PXDC1: variants seen among roughly 807,000 people sequenced by gnomAD.
PXDC1 encodes PX domain-containing protein 1.
In PXDC1, 13 loss-of-function variants were observed where a neutral mutation model predicts 24.4. The observed-to-expected ratio is 0.53, with a 90% CI of 0.35 to 0.85. The LOEUF is 0.85. PXDC1 is among the 40% of genes least tolerant of loss of function. The pLI, the probability that PXDC1 is intolerant of heterozygous loss-of-function variation, is 0.01. For synonymous variants in PXDC1, 162 were observed against 124.9 expected (o/e 1.30, Z -1.98); for missense variants, 344 against 309.3 (o/e 1.11, Z -0.84).
rs1270159654 is a variant in PXDC1 at position 3,725,491 on chromosome 6, G to GC, written c.579-1756dup. On this transcript the variant is annotated intron_variant, in intron 4 of 4. Coordinates refer to ENST00000380283, the MANE Select transcript of PXDC1 (RefSeq NM_183373.4). This position sits in a 1 kb window ranked among gnomAD's most constrained non-coding sequence, Gnocchi z 4.8. ...TCCCTGAGTGCAGGTGGGTCTCTGG[G>GC]CCCTGGCACTGGTGCCCACTTGCCC... 1.3e-5 allele frequency among the ~76,000 whole-genome samples: 2 copies of GC among 152,206 alleles called. No individual in the cohort carries two copies. Among genetic ancestry groups the GC allele is most frequent in the Non-Finnish European group, 2.9e-5 (2 of 68,028 alleles).
chr6:3,731,986 T>G (rs1760210394), intron 3 of PXDC1, among the ~76,000 whole-genome samples: 3 of 152,244 alleles, frequency 2.0e-5, no homozygotes, highest in African/African-American at 7.2e-5. Flanking sequence ...ACAGCGAAGT[T>G]ACCACCTTTC....
rs976307311 is a variant in PXDC1, at chr6:3,722,887, G to T, written c.*732C>A. The T allele has an allele frequency of 1.4e-5, 2 of 144,566 alleles. No homozygotes were observed. The highest frequency in any genetic ancestry group is 5.0e-5 in the African/African-American group (2 of 40,244). 9.0% of individuals were successfully genotyped at this position (144,566 alleles called of 1,614,324 possible). ...CCGCAGCACCAGGACCCGCGCTGAA[G>T]GCCCAGAGACCTGGCAGGCCGGGAA... is the stretch of plus-strand genomic sequence containing the variant. On this transcript the variant is annotated 3_prime_UTR_variant, in exon 5 of 5. Transcript: ENST00000380283.
chr6:3,726,322 C>T (rs1450693282), intron 4 of PXDC1, among the ~76,000 whole-genome samples: 2 of 152,326 alleles, frequency 1.3e-5, no homozygotes, highest in South Asian at 4.1e-4. Context: ...CATGGGGGAC[C>T]CATAGGTAAT....
chr6:3,737,223 A>G lies in PXDC1; in HGVS notation c.349-27T>C. The G allele has an allele frequency of 6.7e-7, 1 of 1,498,848 alleles. No homozygotes were observed. Among genetic ancestry groups the G allele is most frequent in the Non-Finnish European group, 9.3e-7 (1 of 1,074,890 alleles). 92.8% of individuals were successfully genotyped at this position (1,498,848 alleles called of 1,614,324 possible). ...TGGGGAGAAATGCAGGGATTACTAA[A>G]AACGATCAGCCTCTACACGTTGGCC... On this transcript the variant is annotated intron_variant, in intron 2 of 4. Coordinates refer to ENST00000380283, the MANE Select transcript of PXDC1 (RefSeq NM_183373.4). This position sits in a 1 kb window ranked among gnomAD's most constrained non-coding sequence, Gnocchi z 5.5.
Position 3,737,003 on chromosome 6 carries a change from C to G in PXDC1, c.466+76G>C, listed in dbSNP as rs1426871474. The G allele has an allele frequency of 4.6e-6, 4 of 876,288 alleles. No homozygotes were observed. The African/African-American group carries it at 6.6e-5, about 14-fold the overall frequency. 54.3% of individuals were successfully genotyped at this position (876,288 alleles called of 1,614,324 possible). ...AAGTGTGGCCCAGCCTCAGAGACAG[C>G]CAACTGTGAGGGTTTCTGTGACATC... On this transcript the variant is annotated intron_variant, in intron 3 of 4. Transcript: ENST00000380283. The surrounding 1 kb of genome is among the most constrained non-coding windows in gnomAD (Gnocchi z 5.5).
At chr6:3,742,792 C>T (rs375385265) in intron 1 of PXDC1, among the ~76,000 whole-genome samples, 24 of 152,194 alleles carry the variant, frequency 1.6e-4, no homozygotes, top group African/African-American at 5.5e-4. Flanking sequence ...ATTGGTAACA[C>T]AATTGTACAT....
chr6:3,724,960 AG>A lies in PXDC1; in HGVS notation c.579-1225del, dbSNP rs1359770100. 6.6e-6 allele frequency among the ~76,000 whole-genome samples: 1 copy of A among 152,106 alleles called. No individual in the cohort carries two copies. Among genetic ancestry groups the A allele is most frequent in the Non-Finnish European group, 1.5e-5 (1 of 68,008 alleles). On this transcript the variant is annotated intron_variant, in intron 4 of 4. Coordinates refer to ENST00000380283, the MANE Select transcript of PXDC1 (RefSeq NM_183373.4). The surrounding 1 kb of genome is among the most constrained non-coding windows in gnomAD (Gnocchi z 4.5). The stretch of plus-strand genomic sequence containing the variant: ...ATGGCCAGGCCTGGAGTGTGGTGTC[AG>A]CCCCCGCCTCGGCTTCCCTATGCTC...
chr6:3,739,791 A>G (rs1367740023), intron 1 of PXDC1, among the ~76,000 whole-genome samples: 1 of 152,226 alleles, frequency 6.6e-6, no homozygotes, highest in Non-Finnish European at 1.5e-5. Context: ...AAATATTTAT[A>G]TACCGCAATT....
At chr6:3,731,643 C>T (rs1031927847) in intron 3 of PXDC1, among the ~76,000 whole-genome samples, 2 of 152,312 alleles carry the variant, frequency 1.3e-5, no homozygotes, top group East Asian at 1.9e-4. Context: ...TCCTCTTTTC[C>T]GTGGGGGCCC....
chr6:3,732,969 A>T (rs893292353), intron 3 of PXDC1, among the ~76,000 whole-genome samples: 17 of 152,136 alleles, frequency 1.1e-4, no homozygotes, highest in African/African-American at 4.1e-4. Flanking sequence ...TGCACGAAGG[A>T]CCCTGCAGGG....
chr6:3,736,974 G>C lies in PXDC1; in HGVS notation c.466+105C>G, dbSNP rs1052579972. On this transcript the variant is annotated intron_variant, in intron 3 of 4. Transcript: ENST00000380283. ...TCGCATTTCTCTCGATTGTCTTTCTGGAAAAGTGTGGCCCAGCCTCAGAGA... is the reference window on the plus strand; with the variant it reads ...TCGCATTTCTCTCGATTGTCTTTCTCGAAAAGTGTGGCCCAGCCTCAGAGA... The C allele has an allele frequency of 1.5e-5, 11 of 737,018 alleles. No homozygotes were observed. The Admixed American group carries it at 1.8e-4, about 12-fold the overall frequency. 45.7% of individuals were successfully genotyped at this position (737,018 alleles called of 1,614,324 possible).
At chr6:3,743,044 C>T (rs1483382471) in intron 1 of PXDC1, among the ~76,000 whole-genome samples, 1 of 152,192 alleles carries the variant, frequency 6.6e-6, no homozygotes, top group South Asian at 2.1e-4. Flanking sequence ...TAACAAACAC[C>T]GCTTCCGGAT....
At chr6:3,733,265 C>T (rs1176228392) in intron 3 of PXDC1, among the ~76,000 whole-genome samples, 4 of 152,132 alleles carry the variant, frequency 2.6e-5, no homozygotes, top group Non-Finnish European at 4.4e-5. Flanking sequence ...CTGGACCCCG[C>T]GCCTCAGCCT....
intron 1 of PXDC1, among the ~76,000 whole-genome samples, chr6:3,743,876 C>G (rs957241820): frequency 6.6e-6 from 1 of 152,202 alleles, no homozygotes; most frequent in Non-Finnish European, 1.5e-5. Flanking sequence ...TCCTCTACAT[C>G]TTTTCAGGAG....
Position 3,737,385 on chromosome 6 carries a change from C to T in PXDC1, c.349-189G>A, listed in dbSNP as rs1320647428. Reference sequence around the variant, plus strand: ...CATCACTGCACAGCCCTCACATGCTCATGGCCCAGGCGGCTGAAAGGCAAG... The same window carrying T: ...CATCACTGCACAGCCCTCACATGCTTATGGCCCAGGCGGCTGAAAGGCAAG... On this transcript the variant is annotated intron_variant, in intron 2 of 4. Coordinates refer to ENST00000380283, the MANE Select transcript of PXDC1 (RefSeq NM_183373.4). This position sits in a 1 kb window ranked among gnomAD's most constrained non-coding sequence, Gnocchi z 5.5. Among the ~76,000 whole-genome samples the T allele has an allele frequency of 6.6e-6, 1 of 152,242 alleles. No homozygotes were observed. The highest frequency in any genetic ancestry group is 2.4e-5 in the African/African-American group (1 of 41,464).
intron 1 of PXDC1, among the ~76,000 whole-genome samples, chr6:3,744,340 G>A (rs901696361): frequency 3.9e-5 from 6 of 152,274 alleles, no homozygotes; most frequent in South Asian, 2.1e-4. Flanking sequence ...ATGGGATCCC[G>A]GCCTCCTGGC....
intron 4 of PXDC1, among the ~76,000 whole-genome samples, chr6:3,726,238 C>A (rs1203657198): frequency 6.6e-6 from 1 of 152,234 alleles, no homozygotes; most frequent in Non-Finnish European, 1.5e-5. Flanking sequence ...ACTACCCCTG[C>A]CAAGCTAAAG....
chr6:3,745,293 G>A (rs927659715), intron 1 of PXDC1, among the ~76,000 whole-genome samples: 4 of 152,184 alleles, frequency 2.6e-5, no homozygotes, highest in Admixed American at 1.3e-4. Flanking sequence ...GCACTCTCCC[G>A]CAGACCACTG....
intron 3 of PXDC1, among the ~76,000 whole-genome samples, chr6:3,735,575 A>C (rs1760298678): frequency 6.6e-6 from 1 of 152,240 alleles, no homozygotes; most frequent in African/African-American, 2.4e-5. Flanking sequence ...TCATAGAAGC[A>C]GCAAGTAGAA....
Sources: allele counts gnomAD v4.1 joint callset (sites outside exome capture counted in the v4.1 genomes callset), GRCh38; gene constraint gnomAD v4.1.1; non-coding constraint Gnocchi (gnomAD v3.1); transcripts MANE v1.5; gene names NCBI Gene and HGNC (gene_info 2026-07-23, HGNC 2026-07-21).